GPM6A: variants seen among roughly 807,000 people sequenced by gnomAD.
The protein encoded by GPM6A is glycoprotein M6A.
A neutral mutation model predicts 32.1 loss-of-function variants in GPM6A; 7 were observed. That is an observed-to-expected ratio of 0.22 (90% CI 0.12 to 0.41). The LOEUF (loss-of-function observed/expected upper bound fraction) is 0.41, where lower values mean the gene tolerates loss of function less well. GPM6A is among the 10% of genes least tolerant of loss of function. GPM6A has a pLI of 1.00. For synonymous variants in GPM6A, 130 were observed against 123.4 expected, an observed-to-expected ratio of 1.05 and a Z score of -0.35; for missense variants, 235 against 347.2, an observed-to-expected ratio of 0.68 and a Z score of 2.57.
chr4:175,765,686 G>A (rs1037878430), intron 1 of GPM6A, among the ~76,000 whole-genome samples: 1 of 152,030 alleles, frequency 6.6e-6, no homozygotes, highest in Non-Finnish European at 1.5e-5. Flanking sequence ...ATCTTTTAGA[G>A]ACTTCCTGCT....
At chr4:175,936,321 A>AAAAAAAAC (rs1739229725) in intron 1 of GPM6A, among the ~76,000 whole-genome samples, 2 of 149,790 alleles carry the variant, frequency 1.3e-5, no homozygotes, top group Admixed American at 1.3e-4. Flanking sequence ...AAAAAAAAAA[A>AAAAAAAAC]AAAAAAAAAA....
In GPM6A at chr4:175,823,693, G is replaced by A. The variant is rs79134983; in HGVS notation, c.-22-11444C>T. 6.0e-3 allele frequency among the ~76,000 whole-genome samples: 909 copies of A among 152,276 alleles called. 11 individuals are homozygous for A. The highest frequency in any genetic ancestry group is 0.021 in the African/African-American group (853 of 41,544). ...AAGTTTTCTCAGCTTTATCATAAGC[G>A]TTTTGGTATTTTTGCTTATACGTTA... On this transcript the variant is annotated intron_variant, in intron 1 of 7. Coordinates refer to the GPM6A transcript ENST00000280187.
At chr4:175,991,155 T>A in intron 1 of GPM6A, among the ~76,000 whole-genome samples, 1 of 151,076 alleles carries the variant, frequency 6.6e-6, no homozygotes, top group Admixed American at 6.6e-5. Flanking sequence ...AACTTCTGCC[T>A]CCTGGGTTCA....
intron 1 of GPM6A, among the ~76,000 whole-genome samples, chr4:175,721,347 A>G (rs2644006): frequency 0.49 from 73,684 of 150,930 alleles, 18,808 homozygotes; most frequent in Non-Finnish European, 0.56. Context: ...GTGGTGGTGC[A>G]TGCCTGTAGT....
At position 175,634,134 on chromosome 4, in the gene GPM6A, T is replaced by C. The variant is rs1266066298; in HGVS notation, c.*771A>G. ...TATTTCCATTAAAATTGTCTCTATA[T>C]ACTAAACTTTAAAAGGTAAGCCTGG... On this transcript the variant is annotated 3_prime_UTR_variant, in exon 7 of 7. Coordinates refer to ENST00000393658, the MANE Select transcript of GPM6A (RefSeq NM_201591.3). 6.6e-6 allele frequency: 1 copy of C among 152,538 alleles called. No individual in the cohort carries two copies. Among genetic ancestry groups the C allele is most frequent in the Non-Finnish European group, 1.5e-5 (1 of 67,994 alleles). The allele number at this position is 152,538 out of a possible 1,614,324, so 9.4% of individuals were successfully genotyped here.
chr4:175,870,148 G>C (rs1736861366), intron 1 of GPM6A, among the ~76,000 whole-genome samples: 1 of 152,182 alleles, frequency 6.6e-6, no homozygotes, highest in Non-Finnish European at 1.5e-5. Context: ...ACAACACTTT[G>C]ATGTGTTTTG....
chr4:175,868,306 T>C (rs1736802102), intron 1 of GPM6A, among the ~76,000 whole-genome samples: 1 of 152,220 alleles, frequency 6.6e-6, no homozygotes, highest in Non-Finnish European at 1.5e-5. Flanking sequence ...CCAAACTCCT[T>C]ACATGTGGAA....
At chr4:175,982,285 A>G (rs1488629407) in intron 1 of GPM6A, among the ~76,000 whole-genome samples, 1 of 152,096 alleles carries the variant, frequency 6.6e-6, no homozygotes, top group Non-Finnish European at 1.5e-5. Flanking sequence ...TCAAAACGAG[A>G]CTTTTTGTGT....
intron 1 of GPM6A, among the ~76,000 whole-genome samples, chr4:175,915,933 C>T (rs766502862): frequency 1.3e-5 from 2 of 152,202 alleles, no homozygotes; most frequent in Non-Finnish European, 2.9e-5. Flanking sequence ...TACTTGCGTG[C>T]ACACGGGGAC....
At chr4:175,889,403 T>C (rs1192238554) in intron 1 of GPM6A, among the ~76,000 whole-genome samples, 2 of 151,980 alleles carry the variant, frequency 1.3e-5, no homozygotes, top group African/African-American at 2.4e-5. Context: ...TGTGTGCCAG[T>C]AGTCCCACAT....
intron 1 of GPM6A, among the ~76,000 whole-genome samples, chr4:175,738,083 A>G (rs898565163): frequency 6.6e-6 from 1 of 152,054 alleles, no homozygotes; most frequent in Non-Finnish European, 1.5e-5. Context: ...GACCACAGGC[A>G]TGTGCCAACA....
chr4:175,844,954 G>T (rs916078695), intron 1 of GPM6A, among the ~76,000 whole-genome samples: 2 of 152,038 alleles, frequency 1.3e-5, no homozygotes, highest in Non-Finnish European at 2.9e-5. Context: ...AGCTATAATG[G>T]CTAGAGAAAG....
intron 1 of GPM6A, among the ~76,000 whole-genome samples, chr4:175,788,651 G>A (rs1733894058): frequency 6.6e-6 from 1 of 152,136 alleles, no homozygotes; most frequent in African/African-American, 2.4e-5. Context: ...TTGCATAGCA[G>A]AAAATGAAAA....
intron 2 of GPM6A, among the ~76,000 whole-genome samples, chr4:175,674,693 T>A (rs937442511): frequency 2.1e-4 from 32 of 152,314 alleles, no homozygotes; most frequent in African/African-American, 7.7e-4. Flanking sequence ...TTTGTACTCA[T>A]CATACACATC....
At chr4:175,813,985 G>A (rs1384056722), upstream of GPM6A, among the ~76,000 whole-genome samples, 2 of 135,524 alleles carry the variant, frequency 1.5e-5, no homozygotes, top group East Asian at 1.9e-4. Context: ...CAGATTGAGA[G>A]AGAGAAACCA....
chr4:175,709,152 C>T (rs556611797), intron 1 of GPM6A, among the ~76,000 whole-genome samples: 18 of 152,184 alleles, frequency 1.2e-4, no homozygotes, highest in Middle Eastern at 3.4e-3. Context: ...TTAATGCGTT[C>T]GTCATCTGAA....
chr4:175,812,311 T>TTTG, upstream of GPM6A: 3 of 1,152,052 alleles, frequency 2.6e-6, no homozygotes, highest in African/African-American at 2.3e-5. Context: ...GTTTTTTTTT[T>TTTG]TTTTTTTTTT....
At chr4:175,858,106 A>C (rs542447346) in intron 1 of GPM6A, among the ~76,000 whole-genome samples, 1 of 152,314 alleles carries the variant, frequency 6.6e-6, no homozygotes, top group African/African-American at 2.4e-5. Flanking sequence ...AGGTCGGCCA[A>C]AGATTTAAGC....
At chr4:175,921,183 T>C (rs915748562) in intron 1 of GPM6A, among the ~76,000 whole-genome samples, 1 of 152,166 alleles carries the variant, frequency 6.6e-6, no homozygotes, top group African/African-American at 2.4e-5. Context: ...AACTTAATTA[T>C]TAATAACTTT....
Sources: gnomAD v4.1 joint callset for allele counts (sites outside exome capture counted in the v4.1 genomes callset) on GRCh38, gnomAD v4.1.1 for gene constraint, MANE v1.5 for transcripts, NCBI Gene and HGNC (gene_info 2026-07-23, HGNC 2026-07-21) for gene names.